Variants in CES5A observed in about 807,000 individuals in gnomAD.
CES5A encodes carboxylesterase 5.
CES5A carries 67 observed loss-of-function variants against 62.9 expected under a neutral mutation model. The observed-to-expected ratio is 1.07, with a 90% CI of 0.88 to 1.31. The LOEUF (loss-of-function observed/expected upper bound fraction) is 1.31. Ranked by LOEUF, CES5A falls within the 50% of genes most tolerant of loss-of-function variation. CES5A has a pLI of 0.00. For missense variants in CES5A, 748 were observed against 708.5 expected (o/e 1.06, Z -0.63); for synonymous variants, 296 against 280.8 (o/e 1.05, Z -0.54).
chr16:55,905,808 G>A (rs931113011), intron 1 of CES5A, among the ~76,000 whole-genome samples: 3 of 152,182 alleles, frequency 2.0e-5, no homozygotes, highest in South Asian at 4.1e-4. Flanking sequence ...CAAAGTCCTC[G>A]TGATTACAAA....
intron 2 of CES5A, chr16:55,944,241 G>A: frequency 1.6e-6 from 1 of 618,218 alleles, no homozygotes; most frequent in Non-Finnish European, 2.9e-6. Context: ...TCTCCTCCAG[G>A]GACTTTTTGC....
At chr16:55,921,632 G>GAAA (rs2034205091) in intron 1 of CES5A, among the ~76,000 whole-genome samples, 1 of 56,118 alleles carries the variant, frequency 1.8e-5, no homozygotes, top group African/African-American at 7.2e-5. Flanking sequence ...TCTTCAATCT[G>GAAA]AAAGAAAAAA....
intron 1 of CES5A, among the ~76,000 whole-genome samples, chr16:55,918,126 G>A (rs917037193): frequency 1.3e-5 from 2 of 152,128 alleles, no homozygotes; most frequent in African/African-American, 4.8e-5. Flanking sequence ...ATCTCTGCTT[G>A]ACCCCATGCT....
chr16:55,879,147 GC>G (rs2033734650), upstream of CES5A, among the ~76,000 whole-genome samples: 2 of 107,326 alleles, frequency 1.9e-5, no homozygotes, highest in African/African-American at 7.6e-5. Flanking sequence ...CACCTCCACT[GC>G]TACCCCATCA....
intron 1 of CES5A, among the ~76,000 whole-genome samples, chr16:55,897,099 T>C (rs1238717686): frequency 6.6e-6 from 1 of 151,284 alleles, no homozygotes; most frequent in Non-Finnish European, 1.5e-5. Context: ...CTCACTGCTG[T>C]GGAAAGAGCT....
chr16:55,879,294 C>T (rs1465372202), upstream of CES5A, among the ~76,000 whole-genome samples: 2 of 151,050 alleles, frequency 1.3e-5, no homozygotes, highest in African/African-American at 4.9e-5. Context: ...TCCACCACTG[C>T]ACCCCACCAC....
chr16:55,856,683 C>A (rs2033250863), intron 8 of CES5A, among the ~76,000 whole-genome samples: 1 of 152,232 alleles, frequency 6.6e-6, no homozygotes, highest in Non-Finnish European at 1.5e-5. Flanking sequence ...GCCCAAGTGG[C>A]CACCTTGTGG....
chr16:55,934,693 C>CACATGCATGCATGTGT (rs2034351311), intron 2 of CES5A, among the ~76,000 whole-genome samples: 1 of 151,674 alleles, frequency 6.6e-6, no homozygotes, highest in Non-Finnish European at 1.5e-5. Context: ...TGTGCATGTG[C>CACATGCATGCATGTGT]ACATGCATGC....
chr16:55,873,810 C>A, intron 2 of CES5A, 23 bp downstream of exon 2: 1 of 1,598,962 alleles, frequency 6.3e-7, no homozygotes. Flanking sequence ...ACAAACCACC[C>A]GTGGGCCCGA....
At chr16:55,950,027 C>G (rs1466110848) in intron 1 of CES5A, 2 of 360,978 alleles carry the variant, frequency 5.5e-6, no homozygotes, top group Admixed American at 9.7e-5. Flanking sequence ...AAATCCATAA[C>G]AGTGTAGGAA....
At chr16:55,921,067 A>G (rs2034199249) in intron 1 of CES5A, among the ~76,000 whole-genome samples, 1 of 152,180 alleles carries the variant, frequency 6.6e-6, no homozygotes, top group Admixed American at 6.5e-5. Flanking sequence ...GAAAATACAC[A>G]CTCAGAGAAG....
At chr16:55,916,246 T>C (rs1383678677) in intron 1 of CES5A, among the ~76,000 whole-genome samples, 1 of 152,122 alleles carries the variant, frequency 6.6e-6, no homozygotes, top group African/African-American at 2.4e-5. Flanking sequence ...GCAGGAGTAA[T>C]TGGGAAAGCT....
intron 1 of CES5A, among the ~76,000 whole-genome samples, chr16:55,915,289 G>C (rs1156650134): frequency 2.6e-5 from 4 of 152,208 alleles, no homozygotes; most frequent in Non-Finnish European, 5.9e-5. Context: ...TGGATGCCAG[G>C]CACACCCGCT....
intron 1 of CES5A, among the ~76,000 whole-genome samples, chr16:55,893,307 T>C (rs1256799678): frequency 6.6e-6 from 1 of 151,612 alleles, no homozygotes; most frequent in Non-Finnish European, 1.5e-5. Context: ...TCAATATCGG[T>C]ATGAAATAGA....
chr16:55,863,589 G>C, intron 5 of CES5A, 137 bp from the exon 6 acceptor site: 1 of 618,436 alleles, frequency 1.6e-6, no homozygotes, highest in Non-Finnish European at 2.9e-6. Flanking sequence ...CCCTGGTTTA[G>C]GGGTTAAAGG....
chr16:55,938,724 A>G (rs1184070800), intron 2 of CES5A, among the ~76,000 whole-genome samples: 5 of 107,284 alleles, frequency 4.7e-5, no homozygotes, highest in Non-Finnish European at 8.8e-5. Flanking sequence ...GGAGAGAGTG[A>G]GACTCCATCT....
intron 1 of CES5A, among the ~76,000 whole-genome samples, chr16:55,908,437 C>G (rs143392700): frequency 1.3e-5 from 2 of 152,142 alleles, no homozygotes; most frequent in African/African-American, 2.4e-5. Context: ...CTTGGCTCAC[C>G]GCAACCTCCA....
intron 7 of CES5A, among the ~76,000 whole-genome samples, chr16:55,860,795 T>C (rs1268811506): frequency 2.6e-5 from 4 of 152,202 alleles, no homozygotes; most frequent in Non-Finnish European, 4.4e-5. Flanking sequence ...AGAGTGGACA[T>C]TCAGTACACA....
intron 1 of CES5A, among the ~76,000 whole-genome samples, chr16:55,901,413 C>T (rs1208696258): frequency 6.6e-6 from 1 of 152,132 alleles, no homozygotes; most frequent in East Asian, 1.9e-4. Flanking sequence ...AGCCAGCAAG[C>T]ACATACCTTG....
Sources: gnomAD v4.1 joint callset for allele counts (sites outside exome capture counted in the v4.1 genomes callset) on GRCh38, gnomAD v4.1.1 for gene constraint, MANE v1.5 for transcripts, NCBI Gene and HGNC (gene_info 2026-07-23, HGNC 2026-07-21) for gene names.